TLDC2: variants seen among roughly 807,000 people sequenced by gnomAD.
TLDC2 encodes the protein TLD domain-containing protein 2.
TLDC2 carries 23 observed loss-of-function variants against 27.9 expected under a neutral mutation model. The observed-to-expected ratio is 0.82, with a 90% CI of 0.59 to 1.17. The LOEUF (loss-of-function observed/expected upper bound fraction) is 1.17. Ranked by LOEUF, TLDC2 falls within the 50% of genes most tolerant of loss-of-function variation. The probability of loss-of-function intolerance (pLI) is 0.00; values close to 1 mark genes in which losing one functional copy is unlikely to be tolerated. For synonymous variants in TLDC2, 124 were observed against 107.4 expected, an observed-to-expected ratio of 1.16 and a Z score of -0.96; for missense variants, 286 against 273.4, an observed-to-expected ratio of 1.05 and a Z score of -0.32.
At chr20:36,880,058 A>AATATATATATAC (rs1454739545) in intron 3 of TLDC2, among the ~76,000 whole-genome samples, 1 of 36,322 alleles carries the variant, frequency 2.8e-5, no homozygotes, top group East Asian at 8.5e-4. Flanking sequence ...ACTTGTGTAG[A>AATATATATATAC]ATATATATAT....
intron 4 of TLDC2, among the ~76,000 whole-genome samples, chr20:36,882,082 G>C (rs1043553793): frequency 4.6e-5 from 7 of 152,148 alleles, no homozygotes; most frequent in Non-Finnish European, 1.0e-4. Flanking sequence ...AGAGTGACAG[G>C]CACAAGATGA....
rs1193853614 is a variant in TLDC2 at position 36,880,505 on chromosome 20, C to T, written c.343-150C>T. On this transcript the variant is annotated intron_variant, in intron 3 of 6. Transcript: ENST00000217320. ...GGGAAAGGATGCATAAGGATTCCTGCTCTTGGGTGTGGAGCCCCCATGCCC... is the reference window on the plus strand; with the variant it reads ...GGGAAAGGATGCATAAGGATTCCTGTTCTTGGGTGTGGAGCCCCCATGCCC... The T allele has an allele frequency of 6.4e-6, 4 of 622,452 alleles. No homozygotes were observed. In the African/African-American group the frequency reaches 7.4e-5, roughly 11 times the overall value. 38.6% of individuals were successfully genotyped at this position (622,452 alleles called of 1,614,324 possible). A position where few individuals can be genotyped will look rare whatever the true frequency, so the allele number is the denominator to read the frequency against.
chr20:36,888,537 T>G (rs1347000620), intron 5 of TLDC2, among the ~76,000 whole-genome samples: 1 of 150,494 alleles, frequency 6.6e-6, no homozygotes, highest in African/African-American at 2.4e-5. Flanking sequence ...AAACCCCATC[T>G]CTACTAAAAA....
rs532886144 is a variant in TLDC2, at chr20:36,877,692, G to A, written c.34-207G>A. Reference sequence around the variant, plus strand: ...GGGGACTGTGCTCCAGCCCTCAGCTGGCAGGGGCCAGGGAGGAAGCAGGCT... The same window carrying A: ...GGGGACTGTGCTCCAGCCCTCAGCTAGCAGGGGCCAGGGAGGAAGCAGGCT... On this transcript the variant is annotated intron_variant, in intron 1 of 6. Coordinates refer to ENST00000217320, the MANE Select transcript of TLDC2 (RefSeq NM_080628.3). Among the ~76,000 whole-genome samples the A allele has an allele frequency of 5.3e-5, 8 of 152,272 alleles. No individual in the cohort carries two copies. The South Asian group carries it at 6.2e-4, about 12-fold the overall frequency.
intron 3 of TLDC2, among the ~76,000 whole-genome samples, chr20:36,880,071 A>ATATATATATATATATGTG (rs1555828522): frequency 3.1e-5 from 1 of 32,394 alleles, no homozygotes; most frequent in African/African-American, 1.7e-4. Context: ...ATATATATAC[A>ATATATATATATATATGTG]TATATATATA....
In TLDC2 at chr20:36,892,811, C is replaced by T. The variant is rs1012548822; in HGVS notation, c.*18-51C>T. ...TTAAAAGTTACTTAGCTTCAGCATG[C>T]GTGTACATTCAAAATACAAAATTAA... is the stretch of plus-strand genomic sequence containing the variant. On this transcript the variant is annotated intron_variant, in intron 6 of 6. Coordinates refer to ENST00000217320, the MANE Select transcript of TLDC2 (RefSeq NM_080628.3). The T allele has an allele frequency of 4.5e-5, 56 of 1,253,392 alleles. 1 individual carries two copies. In the South Asian group the frequency reaches 6.1e-4, roughly 14 times the overall value. 77.6% of individuals were successfully genotyped at this position (1,253,392 alleles called of 1,614,324 possible).
chr20:36,886,208 A>G (rs2148347738), intron 4 of TLDC2, among the ~76,000 whole-genome samples: 1 of 152,284 alleles, frequency 6.6e-6, no homozygotes, highest in Non-Finnish European at 1.5e-5. Context: ...AGCTCACTGC[A>G]GCCTCCACTC....
At position 36,879,184 on chromosome 20, in the gene TLDC2, G is replaced by C; in HGVS notation, c.333G>C (p.Gln111His). The C allele has an allele frequency of 6.2e-7, 1 of 1,612,802 alleles. No homozygotes were observed. The highest frequency in any genetic ancestry group is 2.2e-5 in the East Asian group (1 of 44,854). ...CAGTGCTGCTGGTGCTCAGGGACCA[G>C]GACGGGCAGGTGAGCTGGGCAGGGG... is the stretch of plus-strand genomic sequence containing the variant. The part of the protein sequence containing the change: ...SGPVLLVLRD[Q>H]DGQIFGAFSS... Residue 111 changes from glutamine to histidine, a missense_variant, in exon 3 of 7, where the codon CAG becomes CAC. Physicochemically the swap from Gln to His is conservative, Grantham distance 24. Transcript: ENST00000217320.
chr20:36,892,784 G>A, intron 6 of TLDC2, 78 bp from the exon 7 acceptor site: 3 of 995,274 alleles, frequency 3.0e-6, no homozygotes, highest in Non-Finnish European at 4.8e-6. Context: ...TTATTTCTTT[G>A]ATTAAAAGTT....
At chr20:36,888,599 G>T (rs534843559) in intron 5 of TLDC2, among the ~76,000 whole-genome samples, 1 of 149,488 alleles carries the variant, frequency 6.7e-6, no homozygotes, top group Non-Finnish European at 1.5e-5. Context: ...CCAGCTACTC[G>T]GGAGGCTGAG....
At chr20:36,882,536 A>T (rs1027789595) in intron 4 of TLDC2, among the ~76,000 whole-genome samples, 84 of 151,962 alleles carry the variant, frequency 5.5e-4, no homozygotes, top group Non-Finnish European at 8.8e-4. Context: ...CTTAAAAAAA[A>T]TTTTTTTTTA....
intron 4 of TLDC2, among the ~76,000 whole-genome samples, chr20:36,884,764 A>AAAAT (rs11472647): frequency 0.58 from 83,327 of 144,468 alleles, 24,566 homozygotes; most frequent in East Asian, 0.88. Context: ...CCTGTCTCTA[A>AAAAT]AAATAAATAA....
chr20:36,888,188 C>T (rs1989967094), intron 5 of TLDC2, among the ~76,000 whole-genome samples: 1 of 152,066 alleles, frequency 6.6e-6, no homozygotes, highest in African/African-American at 2.4e-5. Flanking sequence ...CATTTGGGCT[C>T]TCAGAGTTTG....
chr20:36,887,654 C>A, intron 5 of TLDC2, 126 bp downstream of exon 5: 1 of 876,110 alleles, frequency 1.1e-6, no homozygotes, highest in South Asian at 1.4e-5. Context: ...TCAGGCCGTT[C>A]CCCTCATTGC....
chr20:36,890,418 C>CTTTCTTTCTTTCTTTCTTTCT (rs1555830170), intron 6 of TLDC2: 5 of 17,802 alleles, frequency 2.8e-4, no homozygotes, highest in South Asian at 2.7e-3. Flanking sequence ...TTCTTTCTTT[C>CTTTCTTTCTTTCTTTCTTTCT]TTTTCTTTCT....
Position 36,893,267 on chromosome 20 carries a change from C to T in TLDC2, c.*423C>T, listed in dbSNP as rs1990124675. ...ACACTACAGTCTTACGCAGGAAGAGCCTTCATGAAAACAGCCACTGGCCTC... is the reference window on the plus strand; with the variant it reads ...ACACTACAGTCTTACGCAGGAAGAGTCTTCATGAAAACAGCCACTGGCCTC... On this transcript the variant is annotated 3_prime_UTR_variant, in exon 7 of 7. Transcript: ENST00000217320. 1.6e-6 allele frequency: 1 copy of T among 644,696 alleles called. No homozygotes were observed. The allele number at this position is 644,696 out of a possible 1,614,324, so 39.9% of individuals were successfully genotyped here. A position where few individuals can be genotyped will look rare whatever the true frequency, so the allele number is the denominator to read the frequency against.
At chr20:36,889,598 G>A (rs1406017651) in intron 6 of TLDC2, 195 bp downstream of exon 6, 4 of 553,676 alleles carry the variant, frequency 7.2e-6, no homozygotes, top group Non-Finnish European at 1.2e-5. Flanking sequence ...ATTAAAAGAC[G>A]CTTACACCTT....
At chr20:36,883,988 G>A (rs934991454) in intron 4 of TLDC2, among the ~76,000 whole-genome samples, 1 of 152,190 alleles carries the variant, frequency 6.6e-6, no homozygotes, top group Non-Finnish European at 1.5e-5. Context: ...CAGCTACTCA[G>A]GAGGCTGAGG....
At chr20:36,888,263 G>A (rs1383606911) in intron 5 of TLDC2, among the ~76,000 whole-genome samples, 19 of 151,752 alleles carry the variant, frequency 1.3e-4, no homozygotes, top group African/African-American at 3.9e-4. Context: ...ACAGAGTCTC[G>A]CTCTGTCGCC....
Sources: gnomAD v4.1 joint callset for allele counts (sites outside exome capture counted in the v4.1 genomes callset) on GRCh38, gnomAD v4.1.1 for gene constraint, MANE v1.5 for transcripts, NCBI Gene and HGNC (gene_info 2026-07-23, HGNC 2026-07-21) for gene names.